AKAP8: variants seen among roughly 807,000 people sequenced by gnomAD.
The protein encoded by AKAP8 is A-kinase anchoring protein 8.
A neutral mutation model predicts 67.5 loss-of-function variants in AKAP8; 24 were observed. The observed-to-expected ratio is 0.36, with a 90% CI of 0.26 to 0.50. The LOEUF (loss-of-function observed/expected upper bound fraction) is 0.50, where lower values mean the gene tolerates loss of function less well. Ranked by LOEUF, AKAP8 falls within the 20% of genes least tolerant of loss-of-function variation. AKAP8 has a pLI of 0.97. For missense variants in AKAP8, 971 were observed against 955.9 expected, an observed-to-expected ratio of 1.02 and a Z score of -0.21; for synonymous variants, 400 against 371.1, an observed-to-expected ratio of 1.08 and a Z score of -0.90.
chr19:15,361,654 G>A (rs775776552), intron 11 of AKAP8, 75 bp downstream of exon 11: 25 of 1,387,318 alleles, frequency 1.8e-5, no homozygotes, highest in Admixed American at 8.5e-5. Context: ...GCCCGGCCTC[G>A]TGCCACGTTT....
At position 15,373,801 on chromosome 19, in the gene AKAP8, A is replaced by G. The variant is rs1343127540; in HGVS notation, c.356T>C (p.Ile119Thr). Residue 119 changes from isoleucine to threonine, a missense_variant, in exon 4 of 14, where the codon ATA becomes ACA. Transcript: ENST00000269701. ...RGGSGGGGEG[I>T]QDRESSFRFQ... ...CCATAATCACCTCTCCCGGTCCTGT[A>G]TGCCCTCCCCACCGCCGCCGCTCCC... 14 of 1,609,696 alleles carry G rather than the reference A, an allele frequency of 8.7e-6. No individual in the cohort carries two copies. Among genetic ancestry groups the G allele is most frequent in the Non-Finnish European group, 1.2e-5 (14 of 1,179,642 alleles).
At chr19:15,356,347 G>T (rs147407353) in intron 13 of AKAP8, among the ~76,000 whole-genome samples, 1 of 152,078 alleles carries the variant, frequency 6.6e-6, no homozygotes, top group East Asian at 1.9e-4. Context: ...GGAGCTTGCA[G>T]TAAGTCGAGA....
chr19:15,372,349 T>G lies in AKAP8; in HGVS notation c.862-2A>C. On this transcript the variant is annotated splice_acceptor_variant, in intron 5 of 13. Coordinates refer to ENST00000269701, the MANE Select transcript of AKAP8 (RefSeq NM_005858.4). LOFTEE classifies it high-confidence loss of function. ...GCGGTCAAACCCTCTCCTCTTGGGC[T>G]ACAGACAACAAGCACACCCCATGAG... is the stretch of plus-strand genomic sequence containing the variant. The G allele has an allele frequency of 2.5e-6, 4 of 1,614,066 alleles. No homozygotes were observed. Among genetic ancestry groups the G allele is most frequent in the Non-Finnish European group, 3.4e-6 (4 of 1,179,972 alleles).
chr19:15,371,981 A>C lies in AKAP8; in HGVS notation c.1009T>G (p.Phe337Val). The C allele has an allele frequency of 6.2e-7, 1 of 1,614,164 alleles. No homozygotes were observed. Among genetic ancestry groups the C allele is most frequent in the Non-Finnish European group, 8.5e-7 (1 of 1,180,026 alleles). The change falls in exon 7 of 14, where the codon TTC (phenylalanine) becomes GTC (valine). Residue 337 changes from phenylalanine to valine, a missense_variant. This residue lies in a region of AKAP8 where 763 missense variants were observed against 745.4 expected (regional missense o/e 1.02). Transcript: ENST00000269701. ...FSENDDAAGD[F>V]RSGDEEFKGE... is the part of the protein sequence containing the mutation. ...TTGAATTCTTCATCTCCTGAGCGGA[A>C]GTCACCAGCTGCGTCATCTGCCAGA...
chr19:15,365,122 C>T (rs999487018), intron 9 of AKAP8, among the ~76,000 whole-genome samples: 1 of 152,248 alleles, frequency 6.6e-6, no homozygotes. Context: ...CTGCTTGGAA[C>T]TGGGGACGCC....
chr19:15,356,859 A>G (rs1488147082), intron 13 of AKAP8, among the ~76,000 whole-genome samples: 1 of 152,112 alleles, frequency 6.6e-6, no homozygotes, highest in Non-Finnish European at 1.5e-5. Flanking sequence ...GGCCGGGTGC[A>G]GTGGCTCACG....
At chr19:15,358,181 A>G (rs1169469295) in intron 13 of AKAP8, among the ~76,000 whole-genome samples, 1 of 152,058 alleles carries the variant, frequency 6.6e-6, no homozygotes, top group African/African-American at 2.4e-5. Flanking sequence ...AAGAACTGGG[A>G]GCTCTTCCAA....
intron 1 of AKAP8, among the ~76,000 whole-genome samples, chr19:15,377,302 C>T (rs368364329): frequency 2.6e-5 from 4 of 152,282 alleles, no homozygotes; most frequent in African/African-American, 9.6e-5. Flanking sequence ...AAGATTTCAT[C>T]CACAACTGAG....
chr19:15,379,686 G>C (rs1327328821), intron 1 of AKAP8, 27 bp downstream of exon 1: 4 of 1,605,432 alleles, frequency 2.5e-6, no homozygotes, highest in Middle Eastern at 1.6e-4. Flanking sequence ...TTCCCTCCCC[G>C]CTCCGCACCC....
In AKAP8 at chr19:15,372,838, T is replaced by C. The variant is rs1364338307; in HGVS notation, c.861+13A>G. 12 of 1,490,348 alleles carry C rather than the reference T, an allele frequency of 8.1e-6. No individual in the cohort carries two copies. In the South Asian group the frequency reaches 1.1e-4, roughly 14 times the overall value. The allele number at this position is 1,490,348 out of a possible 1,614,324, so 92.3% of individuals were successfully genotyped here. A position where few individuals can be genotyped will look rare whatever the true frequency, so the allele number is the denominator to read the frequency against. On this transcript the variant is annotated intron_variant, in intron 5 of 13. Coordinates refer to ENST00000269701, the MANE Select transcript of AKAP8 (RefSeq NM_005858.4). ...AAGCGAAGGCGGCCGGAAGGAACCT[T>C]GCGAGGGCTTACCCGATCCCGATCC...
At chr19:15,361,524 GTATT>G in intron 11 of AKAP8, 1 of 469,904 alleles carries the variant, frequency 2.1e-6, no homozygotes, top group Non-Finnish European at 3.9e-6. Context: ...CTAATTTTTT[GTATT>G]TTTTTAGTAG....
At chr19:15,363,353 T>G (rs868739204) in intron 9 of AKAP8, among the ~76,000 whole-genome samples, 27 of 104,998 alleles carry the variant, frequency 2.6e-4, no homozygotes, top group African/African-American at 3.8e-4. Context: ...GGGAGGGAGG[T>G]GGGGGGGGGT....
rs116192399 is a variant in AKAP8, at chr19:15,361,291, G to A, written c.1397-313C>T. Among the ~76,000 whole-genome samples the A allele has an allele frequency of 4.6e-3, 694 of 151,490 alleles. 7 individuals carry two copies. The highest frequency in any genetic ancestry group is 0.016 in the African/African-American group (659 of 41,222). ...AGGTTTCTTTCCATTGCTGCTGAGC[G>A]CTCTTCCCACGGGTCTCGTCATCAC... On this transcript the variant is annotated intron_variant, in intron 11 of 13. Transcript: ENST00000269701.
At chr19:15,368,921 T>G in intron 8 of AKAP8, 1 of 985,756 alleles carries the variant, frequency 1.0e-6, no homozygotes, top group Non-Finnish European at 1.2e-6. Context: ...AGAAAAAAAT[T>G]TGGGAAGAGA....
chr19:15,377,100 A>C, intron 1 of AKAP8, 86 bp from the exon 2 acceptor site: 9 of 1,468,990 alleles, frequency 6.1e-6, no homozygotes, highest in Non-Finnish European at 6.5e-6. Context: ...GGATCTCCTT[A>C]CAGTTCAGTG....
At position 15,373,944 on chromosome 19, in the gene AKAP8, C is replaced by T. The variant is rs751197012; in HGVS notation, c.213G>A (p.Gly71=). The T allele has an allele frequency of 3.1e-6, 5 of 1,613,764 alleles. No individual in the cohort carries two copies. In the South Asian group the frequency reaches 5.5e-5, roughly 18 times the overall value. Residue 71 remains glycine, a synonymous_variant, in exon 4 of 14, where the codon GGG becomes GGA. Transcript: ENST00000269701. The part of the protein sequence containing the change: ...AKANDGGLAA[G]APAMHMASYG... ...AAGAGGCCATGTGCATGGCAGGGGC[C>T]CCGGCCGCCAGGCCGCCATCATTGG...
chr19:15,366,431 G>T (rs1364096804), intron 9 of AKAP8, among the ~76,000 whole-genome samples: 1 of 151,712 alleles, frequency 6.6e-6, no homozygotes, highest in East Asian at 1.9e-4. Flanking sequence ...CACTTAAGAA[G>T]AAACAGTTCT....
Position 15,374,097 on chromosome 19 carries a change from C to T in AKAP8, c.92-32G>A, listed in dbSNP as rs776791289. 3.9e-6 allele frequency: 6 copies of T among 1,525,540 alleles called. No individual in the cohort carries two copies. In the South Asian group the frequency reaches 5.2e-5, roughly 13 times the overall value. The allele number at this position is 1,525,540 out of a possible 1,614,324, so 94.5% of individuals were successfully genotyped here. On this transcript the variant is annotated intron_variant, in intron 3 of 13. Coordinates refer to ENST00000269701, the MANE Select transcript of AKAP8 (RefSeq NM_005858.4). ...CAGGGGGAGGAGCCAAGTCAGACTT[C>T]AGCAGCCACGAGGCCTGTCCATGGT...
rs1314991226 is a variant in AKAP8, at chr19:15,376,885, T to C, written c.58+91A>G. On this transcript the variant is annotated intron_variant, in intron 2 of 13. Coordinates refer to ENST00000269701, the MANE Select transcript of AKAP8 (RefSeq NM_005858.4). The stretch of plus-strand genomic sequence containing the variant: ...CAAAGTTTGCTGACCCCTGGGCTAC[T>C]ACTCTCCCTTGACCCAAGTTCAGCT... 7 of 1,481,088 alleles carry C rather than the reference T, an allele frequency of 4.7e-6. No individual in the cohort carries two copies. The Admixed American group carries it at 1.4e-4, about 29-fold the overall frequency. The allele number at this position is 1,481,088 out of a possible 1,614,324, so 91.7% of individuals were successfully genotyped here.
Sources: gnomAD v4.1 joint callset for allele counts (sites outside exome capture counted in the v4.1 genomes callset) on GRCh38, gnomAD v4.1.1 for gene constraint, gnomAD v4.1.1 regional missense constraint, MANE v1.5 for transcripts, NCBI Gene and HGNC (gene_info 2026-07-23, HGNC 2026-07-21) for gene names.